Variants in CNTN3 observed in about 807,000 individuals in gnomAD.
CNTN3 encodes the protein contactin 3, also known as contactin-3.
In CNTN3, 60 loss-of-function variants were observed where a neutral mutation model predicts 119.1. The observed-to-expected ratio is 0.50, with a 90% CI of 0.41 to 0.62. The LOEUF is 0.62. Ranked by LOEUF, CNTN3 falls within the 20% of genes least tolerant of loss-of-function variation. The pLI, the probability that CNTN3 is intolerant of heterozygous loss-of-function variation, is 0.00. For missense variants in CNTN3, 1,101 were observed against 1,242.4 expected (o/e 0.89, Z 1.71); for synonymous variants, 450 against 438.7 (o/e 1.03, Z -0.32).
intron 13 of CNTN3, among the ~76,000 whole-genome samples, chr3:74,308,950 T>A (rs1267125839): frequency 1.3e-5 from 2 of 152,152 alleles, no homozygotes; most frequent in African/African-American, 2.4e-5. Context: ...AAATAGACAC[T>A]GTCCAAAATA....
At chr3:74,428,218 ACTATG>A (rs1701727587) in intron 4 of CNTN3, among the ~76,000 whole-genome samples, 1 of 152,168 alleles carries the variant, frequency 6.6e-6, no homozygotes, top group Non-Finnish European at 1.5e-5. Context: ...TTATGTATTT[ACTATG>A]CTATAATTTT....
intron 11 of CNTN3, among the ~76,000 whole-genome samples, chr3:74,346,227 T>C (rs1374368001): frequency 2.0e-5 from 3 of 152,158 alleles, no homozygotes. Context: ...TACTACTATT[T>C]TCTTAAGTAA....
Position 74,510,168 on chromosome 3 carries a change from C to T in CNTN3, c.56-10383G>A, listed in dbSNP as rs534235042. 1.1e-4 allele frequency among the ~76,000 whole-genome samples: 17 copies of T among 152,026 alleles called. No homozygotes were observed. In the South Asian group the frequency reaches 3.3e-3, roughly 30 times the overall value. On this transcript the variant is annotated intron_variant, in intron 2 of 22. Coordinates refer to ENST00000263665, the MANE Select transcript of CNTN3 (RefSeq NM_020872.3). ...TAATTTACAAAATGTTACAGCTGATCACAGAAAGACTTCAGACTTTCCTGA... is the reference window on the plus strand; with the variant it reads ...TAATTTACAAAATGTTACAGCTGATTACAGAAAGACTTCAGACTTTCCTGA...
At chr3:74,388,627 T>C (rs907798511) in intron 5 of CNTN3, among the ~76,000 whole-genome samples, 2 of 152,298 alleles carry the variant, frequency 1.3e-5, no homozygotes, top group African/African-American at 4.8e-5. Flanking sequence ...ATAAATTATA[T>C]CCTAAGAAAC....
intron 13 of CNTN3, among the ~76,000 whole-genome samples, chr3:74,320,232 A>G (rs1370487299): frequency 1.3e-5 from 2 of 152,200 alleles, no homozygotes. Context: ...TGTTTATTGC[A>G]GCACTATTCA....
At chr3:74,296,170 C>T (rs1267671670) in intron 18 of CNTN3, among the ~76,000 whole-genome samples, 1 of 152,158 alleles carries the variant, frequency 6.6e-6, no homozygotes, top group Non-Finnish European at 1.5e-5. Context: ...TCTTTTGCTT[C>T]TTTCTTAGGT....
At chr3:74,609,998 C>A (rs1705053700) in intron 1 of CNTN3, among the ~76,000 whole-genome samples, 1 of 152,076 alleles carries the variant, frequency 6.6e-6, no homozygotes, top group Non-Finnish European at 1.5e-5. Flanking sequence ...ATGATATTTA[C>A]ACTGTGGCCT....
intron 4 of CNTN3, among the ~76,000 whole-genome samples, chr3:74,461,855 A>T (rs1343742401): frequency 6.6e-6 from 1 of 152,052 alleles, no homozygotes; most frequent in African/African-American, 2.4e-5. Context: ...ATGTTTCTCA[A>T]TTCTTCAACA....
Position 74,483,288 on chromosome 3 carries a change from T to C in CNTN3, c.358+3168A>G, listed in dbSNP as rs1404444414. 3.3e-5 allele frequency among the ~76,000 whole-genome samples: 5 copies of C among 152,046 alleles called. No individual in the cohort carries two copies. The South Asian group carries it at 6.2e-4, about 19-fold the overall frequency. On this transcript the variant is annotated intron_variant, in intron 4 of 22. Transcript: ENST00000263665. ...ACGAAAGGGAGAATTATAATAAAGG[T>C]AGGAAAATAGTATGTACTTCACTCA...
intron 4 of CNTN3, among the ~76,000 whole-genome samples, chr3:74,486,114 G>T: frequency 6.6e-6 from 1 of 151,918 alleles, no homozygotes; most frequent in East Asian, 1.9e-4. Context: ...ACAGTAAAAT[G>T]CACATAGTAG....
chr3:74,513,291 T>C (rs554812656), intron 2 of CNTN3, among the ~76,000 whole-genome samples: 1 of 152,126 alleles, frequency 6.6e-6, no homozygotes, highest in Non-Finnish European at 1.5e-5. Context: ...GTGACACCAA[T>C]CAATGTCACA....
At chr3:74,408,766 G>C (rs775931952) in intron 5 of CNTN3, among the ~76,000 whole-genome samples, 89 of 152,036 alleles carry the variant, frequency 5.9e-4, no homozygotes, top group Non-Finnish European at 1.2e-3. Context: ...TACAGGAGGT[G>C]CTCTTGCATT....
intron 4 of CNTN3, among the ~76,000 whole-genome samples, chr3:74,469,006 T>TA (rs1180249573): frequency 6.6e-6 from 1 of 152,034 alleles, no homozygotes; most frequent in Admixed American, 6.5e-5. Context: ...AAATCTCAAT[T>TA]AAAAAAAAGA....
chr3:74,325,534 G>A (rs531601022), intron 13 of CNTN3, among the ~76,000 whole-genome samples: 6 of 152,172 alleles, frequency 3.9e-5, no homozygotes, highest in Non-Finnish European at 5.9e-5. Context: ...GGAAAAACTC[G>A]TGCAGAAAAG....
intron 4 of CNTN3, among the ~76,000 whole-genome samples, chr3:74,449,196 T>C (rs1465626459): frequency 1.3e-5 from 2 of 152,004 alleles, no homozygotes; most frequent in African/African-American, 4.8e-5. Context: ...TGGCTTCTTA[T>C]TGTGCCTGCT....
At position 74,302,803 on chromosome 3, in the gene CNTN3, G is replaced by A; in HGVS notation, c.1673C>T (p.Ser558Leu). 1 of 1,597,396 alleles carries A rather than the reference G, an allele frequency of 6.3e-7. No homozygotes were observed. Among genetic ancestry groups the A allele is most frequent in the Non-Finnish European group, 8.6e-7 (1 of 1,165,650 alleles). ...GSHFEKVGGSSSGDLMIRNIQ... is the reference protein window; with the variant it reads ...GSHFEKVGGSLSGDLMIRNIQ... ...GTTTCTGATCATTAAATCACCAGATGAACTCTGTTGGGAAAACAGGTAATG... is the reference window on the plus strand; with the variant it reads ...GTTTCTGATCATTAAATCACCAGATAAACTCTGTTGGGAAAACAGGTAATG... The change falls in exon 14 of 23, where the codon TCA becomes TTA. Residue 558 changes from serine to leucine, a missense_variant. Physicochemically the swap from Ser to Leu is moderately radical, Grantham distance 145 (BLOSUM62 -2). Coordinates refer to ENST00000263665, the MANE Select transcript of CNTN3 (RefSeq NM_020872.3).
intron 8 of CNTN3, among the ~76,000 whole-genome samples, chr3:74,367,229 C>T (rs914056405): frequency 1.3e-5 from 2 of 151,886 alleles, no homozygotes; most frequent in Admixed American, 1.3e-4. Context: ...ATGCTTTATG[C>T]CATTAATTTC....
At chr3:74,386,294 T>C (rs1386291683) in intron 5 of CNTN3, among the ~76,000 whole-genome samples, 1 of 152,224 alleles carries the variant, frequency 6.6e-6, no homozygotes, top group Non-Finnish European at 1.5e-5. Flanking sequence ...GCTTTCATTT[T>C]GTATAAAAGA....
intron 17 of CNTN3, 94 bp downstream of exon 17, chr3:74,299,774 C>T: frequency 1.1e-6 from 1 of 952,232 alleles, no homozygotes; most frequent in Non-Finnish European, 1.6e-6. Flanking sequence ...GCACTACCAC[C>T]ACCACCTGCA....
Sources: gnomAD v4.1 joint callset for allele counts (sites outside exome capture counted in the v4.1 genomes callset) on GRCh38, gnomAD v4.1.1 for gene constraint, MANE v1.5 for transcripts, NCBI Gene and HGNC (gene_info 2026-07-23, HGNC 2026-07-21) for gene names.